ANTXR1: variants seen among roughly 807,000 people sequenced by gnomAD.
ANTXR1 encodes the protein ANTXR cell adhesion molecule 1, also known as anthrax toxin receptor 1.
ANTXR1 carries 19 observed loss-of-function variants against 78.1 expected under a neutral mutation model. The ratio of observed to expected loss-of-function variants is 0.24; its 90% CI spans 0.17 to 0.36. The LOEUF (loss-of-function observed/expected upper bound fraction) is 0.36, where lower values mean the gene tolerates loss of function less well. Among genes scored for constraint, ANTXR1 ranks in the 10% least tolerant of loss-of-function variants. The pLI is 1.00. For missense variants in ANTXR1, 518 were observed against 718.6 expected (o/e 0.72, Z 3.19); for synonymous variants, 273 against 260.5 (o/e 1.05, Z -0.46).
chr2:69,224,373 G>A (rs573750586), intron 17 of ANTXR1, among the ~76,000 whole-genome samples: 2 of 152,222 alleles, frequency 1.3e-5, no homozygotes, highest in Non-Finnish European at 2.9e-5. Flanking sequence ...GAAAGTAGGC[G>A]AAAGGTAATC....
At chr2:69,216,693 G>T (rs78940203) in intron 17 of ANTXR1, among the ~76,000 whole-genome samples, 7,953 of 152,158 alleles carry the variant, frequency 0.052, 547 homozygotes, top group African/African-American at 0.15. Context: ...CCTTGATCAA[G>T]GAGCAAGACC....
intron 17 of ANTXR1, among the ~76,000 whole-genome samples, chr2:69,225,792 C>T (rs1467051048): frequency 6.6e-6 from 1 of 152,172 alleles, no homozygotes; most frequent in Admixed American, 6.5e-5. Flanking sequence ...GGATTGAACA[C>T]TAGCAAATGT....
intron 17 of ANTXR1, among the ~76,000 whole-genome samples, chr2:69,195,166 C>CAAAA (rs1444339115): frequency 1.1e-4 from 15 of 132,044 alleles, no homozygotes; most frequent in African/African-American, 3.8e-4. Flanking sequence ...GACTCTGTCT[C>CAAAA]AAAAAAAAAG....
chr2:69,128,152 G>A (rs898710337), intron 12 of ANTXR1, among the ~76,000 whole-genome samples: 4 of 152,032 alleles, frequency 2.6e-5, no homozygotes, highest in African/African-American at 9.7e-5. Context: ...CTGAACATGG[G>A]AGGCGGAGGT....
At chr2:69,158,740 T>C (rs1673596508) in intron 13 of ANTXR1, among the ~76,000 whole-genome samples, 1 of 152,236 alleles carries the variant, frequency 6.6e-6, no homozygotes, top group Non-Finnish European at 1.5e-5. Flanking sequence ...TTTAGACTGA[T>C]GTCAGTGTTC....
At chr2:69,068,784 A>T (rs1047892039) in intron 3 of ANTXR1, among the ~76,000 whole-genome samples, 3 of 152,264 alleles carry the variant, frequency 2.0e-5, no homozygotes, top group African/African-American at 7.2e-5. Flanking sequence ...GCAAGAGGCC[A>T]TTCAAAAGAT....
intron 1 of ANTXR1, among the ~76,000 whole-genome samples, chr2:69,022,513 C>A (rs1671222237): frequency 6.6e-6 from 1 of 152,216 alleles, no homozygotes. Context: ...AGAACCACAT[C>A]TGGGCATTTG....
chr2:69,246,272 CCAGACA>C lies in ANTXR1; in HGVS notation c.*788_*793del. Reference sequence around the variant, plus strand: ...AGCAGCTAGAGGTGGCTGGCTTTGGCCAGACATGGACCCTAAATCAACAGACAATGG... The same window carrying C: ...AGCAGCTAGAGGTGGCTGGCTTTGGCTGGACCCTAAATCAACAGACAATGG... On this transcript the variant is annotated 3_prime_UTR_variant, in exon 18 of 18. Transcript: ENST00000303714. The C allele has an allele frequency of 6.6e-6, 1 of 152,224 alleles. No individual in the cohort carries two copies. The allele number at this position is 152,224 out of a possible 1,614,324, so 9.4% of individuals were successfully genotyped here. A position where few individuals can be genotyped will look rare whatever the true frequency, so the allele number is the denominator to read the frequency against.
Position 69,127,260 on chromosome 2 carries a change from G to A in ANTXR1, c.951+2617G>A, listed in dbSNP as rs552222441. 3.1e-4 allele frequency among the ~76,000 whole-genome samples: 47 copies of A among 152,298 alleles called. No individual in the cohort carries two copies. In the South Asian group the frequency reaches 9.3e-3, roughly 30 times the overall value. Reference sequence around the variant, plus strand: ...AGAGTAATGGATACATTGAAAAGGTGGTATTTGAGTAGCAACCTGGATAGT... The same window carrying A: ...AGAGTAATGGATACATTGAAAAGGTAGTATTTGAGTAGCAACCTGGATAGT... On this transcript the variant is annotated intron_variant, in intron 12 of 17. Transcript: ENST00000303714.
intron 17 of ANTXR1, among the ~76,000 whole-genome samples, chr2:69,235,492 A>G (rs189805330): frequency 6.6e-6 from 1 of 152,042 alleles, no homozygotes; most frequent in Admixed American, 6.5e-5. Flanking sequence ...TCTACCAAAT[A>G]TACAAAACAA....
chr2:69,234,720 AC>A (rs1472951260), intron 17 of ANTXR1, among the ~76,000 whole-genome samples: 2 of 152,120 alleles, frequency 1.3e-5, no homozygotes, highest in African/African-American at 4.8e-5. Context: ...CTGAGATTGC[AC>A]CATTGCACTC....
chr2:69,060,200 T>C (rs1296799684), intron 3 of ANTXR1, among the ~76,000 whole-genome samples: 1 of 152,176 alleles, frequency 6.6e-6, no homozygotes, highest in Non-Finnish European at 1.5e-5. Flanking sequence ...TTCTGCTTGC[T>C]CTTTTGTTCC....
intron 13 of ANTXR1, among the ~76,000 whole-genome samples, chr2:69,165,729 G>A (rs1165197612): frequency 6.6e-6 from 1 of 152,236 alleles, no homozygotes; most frequent in Non-Finnish European, 1.5e-5. Context: ...TGCCCATGTT[G>A]AGAACTAGAA....
chr2:69,017,092 CT>C (rs776879526), intron 1 of ANTXR1, among the ~76,000 whole-genome samples: 4 of 152,146 alleles, frequency 2.6e-5, no homozygotes, highest in Non-Finnish European at 4.4e-5. Context: ...GAAAAACTTG[CT>C]AGAACTTGGT....
intron 3 of ANTXR1, among the ~76,000 whole-genome samples, chr2:69,057,742 A>C (rs1366464843): frequency 4.6e-5 from 7 of 152,170 alleles, no homozygotes; most frequent in Non-Finnish European, 2.9e-5. Context: ...CAAGTTCCTC[A>C]CTTTAAATTC....
At chr2:69,132,851 G>A (rs567296555) in intron 12 of ANTXR1, among the ~76,000 whole-genome samples, 5 of 152,190 alleles carry the variant, frequency 3.3e-5, no homozygotes, top group Admixed American at 6.5e-5. Context: ...TTAGGGACTC[G>A]AAGAATAGCC....
intron 13 of ANTXR1, among the ~76,000 whole-genome samples, chr2:69,162,820 T>G (rs1006927150): frequency 3.9e-5 from 6 of 152,136 alleles, no homozygotes; most frequent in African/African-American, 1.4e-4. Context: ...AAGATATGAC[T>G]GCATTATGGA....
In ANTXR1 at chr2:69,192,351, C is replaced by A. The variant is rs555065772; in HGVS notation, c.1354-984C>A. 5.9e-5 allele frequency among the ~76,000 whole-genome samples: 9 copies of A among 152,274 alleles called. No individual in the cohort carries two copies. In the East Asian group the frequency reaches 1.5e-3, roughly 26 times the overall value. ...TTTATTTCCTTGTCTTTTATAGATG[C>A]TAGAGGCTGCCCACACCCACTGGTT... On this transcript the variant is annotated intron_variant, in intron 16 of 17. Coordinates refer to ENST00000303714, the MANE Select transcript of ANTXR1 (RefSeq NM_032208.3).
intron 17 of ANTXR1, among the ~76,000 whole-genome samples, chr2:69,233,349 C>G (rs146555197): frequency 6.6e-6 from 1 of 151,492 alleles, no homozygotes; most frequent in Non-Finnish European, 1.5e-5. Flanking sequence ...AATTTGGGTG[C>G]AAAAATCCTA....
Sources: allele counts gnomAD v4.1 joint callset (sites outside exome capture counted in the v4.1 genomes callset), GRCh38; gene constraint gnomAD v4.1.1; transcripts MANE v1.5; gene names NCBI Gene and HGNC (gene_info 2026-07-23, HGNC 2026-07-21).